Variants in CCDC102B observed in about 807,000 individuals in gnomAD.
CCDC102B encodes the protein coiled-coil domain containing 102B.
CCDC102B carries 75 observed loss-of-function variants against 57.4 expected under a neutral mutation model. The ratio of observed to expected loss-of-function variants is 1.31; its 90% CI spans 1.08 to 1.58. The LOEUF (loss-of-function observed/expected upper bound fraction) is 1.58, where lower values mean the gene tolerates loss of function less well. Among genes scored for constraint, CCDC102B ranks in the 40% most tolerant of loss-of-function variants. CCDC102B has a pLI of 0.00. For missense variants in CCDC102B, 636 were observed against 582.6 expected (o/e 1.09, Z -0.94); for synonymous variants, 206 against 201.9 (o/e 1.02, Z -0.17).
At chr18:68,862,334 ATGTGTAACCTTGGAT>A (rs1478929263) in intron 4 of CCDC102B, among the ~76,000 whole-genome samples, 1 of 152,144 alleles carries the variant, frequency 6.6e-6, no homozygotes, top group Non-Finnish European at 1.5e-5. Context: ...ATCAGCTAAA[ATGTGTAACCTTGGAT>A]TGTTGAAACA....
At chr18:68,925,960 A>G (rs1210596816) in intron 6 of CCDC102B, among the ~76,000 whole-genome samples, 3 of 152,016 alleles carry the variant, frequency 2.0e-5, no homozygotes, top group Admixed American at 1.3e-4. Context: ...TGTTTTTTAT[A>G]AACAAATCAA....
chr18:68,822,114 G>T (rs1348977303), intron 1 of CCDC102B, among the ~76,000 whole-genome samples: 1 of 152,074 alleles, frequency 6.6e-6, no homozygotes, highest in Non-Finnish European at 1.5e-5. Context: ...CTGAAATATT[G>T]GCTGGGCATG....
chr18:68,768,418 A>C (rs2034535271), intron 2 of CCDC102B, among the ~76,000 whole-genome samples: 1 of 152,190 alleles, frequency 6.6e-6, no homozygotes. Context: ...TCTATACTTA[A>C]ACATGTACAG....
At chr18:68,811,601 G>A (rs908634079) in intron 1 of CCDC102B, among the ~76,000 whole-genome samples, 7 of 152,122 alleles carry the variant, frequency 4.6e-5, no homozygotes, top group Non-Finnish European at 1.0e-4. Flanking sequence ...GGCAACAAGA[G>A]TGAAATTTCA....
In CCDC102B at chr18:68,786,894, C is replaced by G. The variant is rs2035232907; in HGVS notation, c.-66-36472C>G. 2.6e-5 allele frequency among the ~76,000 whole-genome samples: 4 copies of G among 152,300 alleles called. No homozygotes were observed. The South Asian group carries it at 8.3e-4, about 32-fold the overall frequency. On this transcript the variant is annotated intron_variant, in intron 2 of 3. Transcript: ENST00000578970. Reference sequence around the variant, plus strand: ...ATAGGAGTGGTGAGAGAGAGCATCCCTGTCTTGTGCCAGTTTTCAAAGGGA... The same window carrying G: ...ATAGGAGTGGTGAGAGAGAGCATCCGTGTCTTGTGCCAGTTTTCAAAGGGA...
chr18:68,795,688 C>T (rs2035606951), upstream of CCDC102B, among the ~76,000 whole-genome samples: 1 of 152,128 alleles, frequency 6.6e-6, no homozygotes, highest in Non-Finnish European at 1.5e-5. Context: ...ATGGTTCCCC[C>T]TCACCCAGTA....
intron 7 of CCDC102B, among the ~76,000 whole-genome samples, chr18:69,033,110 A>G (rs2052192944): frequency 6.6e-6 from 1 of 152,114 alleles, no homozygotes; most frequent in Admixed American, 6.6e-5. Context: ...GATTCAAGTG[A>G]CACAATTATT....
intron 6 of CCDC102B, among the ~76,000 whole-genome samples, chr18:68,985,940 TG>T (rs1376382250): frequency 6.6e-6 from 1 of 152,140 alleles, no homozygotes; most frequent in African/African-American, 2.4e-5. Context: ...ACTAGTGTGT[TG>T]GAGCATGGCA....
chr18:68,868,704 A>G (rs1381418022), intron 4 of CCDC102B, among the ~76,000 whole-genome samples: 2 of 152,190 alleles, frequency 1.3e-5, no homozygotes, highest in Non-Finnish European at 2.9e-5. Flanking sequence ...TACTTATCCC[A>G]AGAACCACAT....
intron 3 of CCDC102B, 65 bp downstream of exon 3, chr18:68,838,991 C>T (rs1386231054): frequency 8.0e-7 from 1 of 1,246,582 alleles, no homozygotes; most frequent in Admixed American, 1.8e-5. Flanking sequence ...ATTGTTAATA[C>T]AGATAGATTG....
intron 2 of CCDC102B, among the ~76,000 whole-genome samples, chr18:68,765,400 G>GAAAAGA (rs2144600345): frequency 2.1e-5 from 3 of 142,286 alleles, no homozygotes; most frequent in African/African-American, 5.3e-5. Flanking sequence ...GAAAAGAAAG[G>GAAAAGA]AAGGAAGGAA....
intron 6 of CCDC102B, among the ~76,000 whole-genome samples, chr18:68,905,314 A>G (rs1252370554): frequency 2.0e-5 from 1 of 49,354 alleles, no homozygotes; most frequent in Non-Finnish European, 4.4e-5. Flanking sequence ...AATCCACTAT[A>G]TTATTACAAA....
intron 6 of CCDC102B, among the ~76,000 whole-genome samples, chr18:68,934,260 A>G (rs1211243571): frequency 6.6e-6 from 1 of 151,940 alleles, no homozygotes. Flanking sequence ...ATGAAGATTC[A>G]TCTTGGGGAG....
chr18:68,787,351 T>C (rs2144650112), intron 2 of CCDC102B, among the ~76,000 whole-genome samples: 1 of 151,816 alleles, frequency 6.6e-6, no homozygotes, highest in South Asian at 2.1e-4. Context: ...ATAAAATGAG[T>C]TAGGGAGGAT....
chr18:68,733,241 G>C (rs553515170), intron 2 of CCDC102B, among the ~76,000 whole-genome samples: 119 of 152,094 alleles, frequency 7.8e-4, no homozygotes, highest in African/African-American at 2.7e-3. Flanking sequence ...GAATAAGACT[G>C]CTGATTCAGA....
At chr18:68,893,635 A>G (rs2040150623) in intron 5 of CCDC102B, among the ~76,000 whole-genome samples, 1 of 152,136 alleles carries the variant, frequency 6.6e-6, no homozygotes, top group Non-Finnish European at 1.5e-5. Context: ...TTATGAGCAA[A>G]ATGACACAGT....
chr18:68,789,369 G>A (rs1319966093), intron 2 of CCDC102B, among the ~76,000 whole-genome samples: 1 of 152,070 alleles, frequency 6.6e-6, no homozygotes, highest in Non-Finnish European at 1.5e-5. Flanking sequence ...GAATCTGAAC[G>A]TTGGCCTGCT....
intron 1 of CCDC102B, among the ~76,000 whole-genome samples, chr18:68,816,459 CTT>C (rs869077830): frequency 0.086 from 8,626 of 100,432 alleles, 179 homozygotes; most frequent in African/African-American, 0.14. Context: ...TATTTCCTTT[CTT>C]TTTTTTTTTT....
At chr18:68,833,521 C>T (rs531658412) in intron 1 of CCDC102B, among the ~76,000 whole-genome samples, 3 of 152,022 alleles carry the variant, frequency 2.0e-5, no homozygotes, top group South Asian at 4.1e-4. Context: ...GTATGCTTTG[C>T]CTGCAAGGTA....
Sources: allele counts gnomAD v4.1 joint callset (sites outside exome capture counted in the v4.1 genomes callset), GRCh38; gene constraint gnomAD v4.1.1; transcripts MANE v1.5; gene names NCBI Gene and HGNC (gene_info 2026-07-23, HGNC 2026-07-21).